The following EAF1 variants were observed in gnomAD, a reference collection of about 807,000 sequenced individuals.
The protein encoded by EAF1 is ELL associated factor 1.
In EAF1, 19 loss-of-function variants were observed where a neutral mutation model predicts 26.6. That is an observed-to-expected ratio of 0.71 (90% CI 0.50 to 1.05). The LOEUF (loss-of-function observed/expected upper bound fraction) is 1.05, where lower values mean the gene tolerates loss of function less well. Among genes scored for constraint, EAF1 ranks in the 50% least tolerant of loss-of-function variants. The pLI is 0.00. For missense variants in EAF1, 260 were observed against 335.5 expected (o/e 0.78, Z 1.76); for synonymous variants, 102 against 120.6 (o/e 0.85, Z 1.01).
At chr3:15,432,505 G>GC (rs1475558350) in intron 3 of EAF1, among the ~76,000 whole-genome samples, 6 of 152,144 alleles carry the variant, frequency 3.9e-5, no homozygotes, top group Non-Finnish European at 7.3e-5. Context: ...TCTCATGATT[G>GC]CTACAGTACC....
At chr3:15,432,950 A>T (rs1008539995) in intron 3 of EAF1, among the ~76,000 whole-genome samples, 8 of 150,424 alleles carry the variant, frequency 5.3e-5, no homozygotes, top group African/African-American at 2.0e-4. Context: ...TCGTTAAGCC[A>T]TTTTTTTTTC....
At chr3:15,438,441 A>G (rs2061847770) in intron 5 of EAF1, among the ~76,000 whole-genome samples, 1 of 152,004 alleles carries the variant, frequency 6.6e-6, no homozygotes, top group African/African-American at 2.4e-5. Flanking sequence ...TATTTTCTTA[A>G]GTTGCCTTTA....
Position 15,429,908 on chromosome 3 carries a change from T to G in EAF1, c.104-5T>G. On this transcript the variant is annotated splice_region_variant and splice_polypyrimidine_tract_variant and intron_variant, in intron 1 of 5. Coordinates refer to ENST00000396842, the MANE Select transcript of EAF1 (RefSeq NM_033083.7). ...GGGTAAGTGCTTTTTTTCCTTTCCC[T>G]TTAGATGATTTTAAACCAGCATCTA... 1 of 1,609,874 alleles carries G rather than the reference T, an allele frequency of 6.2e-7. No homozygotes were observed. Among genetic ancestry groups the G allele is most frequent in the Non-Finnish European group, 8.5e-7 (1 of 1,176,620 alleles).
At chr3:15,436,090 C>T in intron 4 of EAF1, 1 of 305,440 alleles carries the variant, frequency 3.3e-6, no homozygotes, top group Admixed American at 4.5e-5. Context: ...ACAGAACAGC[C>T]ATTATTCTGA....
intron 5 of EAF1, among the ~76,000 whole-genome samples, chr3:15,437,706 G>A (rs1402332892): frequency 6.6e-6 from 1 of 152,176 alleles, no homozygotes; most frequent in Admixed American, 6.5e-5. Context: ...GAACCCTGAT[G>A]AATGTTCTCT....
intron 4 of EAF1, among the ~76,000 whole-genome samples, chr3:15,435,895 T>A (rs1249430833): frequency 6.6e-6 from 1 of 152,204 alleles, no homozygotes; most frequent in Admixed American, 6.5e-5. Context: ...TAGGTGTCAC[T>A]GCTGGTTAGA....
chr3:15,438,886 C>T (rs1190782771), intron 5 of EAF1: 1 of 455,146 alleles, frequency 2.2e-6, no homozygotes, highest in Non-Finnish European at 3.9e-6. Flanking sequence ...CTTACTTCTC[C>T]TTTGCTCTAC....
In EAF1 at chr3:15,434,377, G is replaced by T; in HGVS notation, c.365G>T (p.Arg122Leu). Residue 122 changes from arginine to leucine, a missense_variant, in exon 4 of 6, where the codon CGA becomes CTA. Coordinates refer to ENST00000396842, the MANE Select transcript of EAF1 (RefSeq NM_033083.7). ...RAEGSSKIQA[R>L]MEQQPTRPPQ... Reference sequence around the variant, plus strand: ...GAGGGCAGCAGTAAAATCCAGGCCCGAATGGAACAGCAGCCCACTCGTCCT... The same window carrying T: ...GAGGGCAGCAGTAAAATCCAGGCCCTAATGGAACAGCAGCCCACTCGTCCT... The T allele has an allele frequency of 6.2e-7, 1 of 1,614,096 alleles. No individual in the cohort carries two copies. The highest frequency in any genetic ancestry group is 1.1e-5 in the South Asian group (1 of 91,076).
At chr3:15,432,365 T>C in intron 3 of EAF1, 142 bp downstream of exon 3, 2 of 1,011,156 alleles carry the variant, frequency 2.0e-6, no homozygotes, top group South Asian at 3.7e-5. Flanking sequence ...ACAAAATATG[T>C]AAATATGTGC....
intron 4 of EAF1, among the ~76,000 whole-genome samples, chr3:15,435,078 C>T (rs922488157): frequency 2.0e-5 from 3 of 152,098 alleles, no homozygotes; most frequent in Non-Finnish European, 4.4e-5. Flanking sequence ...AATAACATCT[C>T]TTTTTTGGGG....
At chr3:15,435,098 G>A (rs894241833) in intron 4 of EAF1, among the ~76,000 whole-genome samples, 12 of 152,138 alleles carry the variant, frequency 7.9e-5, no homozygotes, top group African/African-American at 2.9e-4. Flanking sequence ...GGGAAAAAAA[G>A]GATTAAAATG....
At chr3:15,439,040 G>A in intron 5 of EAF1, 69 bp from the exon 6 acceptor site, 1 of 1,464,096 alleles carries the variant, frequency 6.8e-7, no homozygotes, top group South Asian at 1.2e-5. Flanking sequence ...AAAATTATGA[G>A]GAAGTCATTT....
intron 1 of EAF1, among the ~76,000 whole-genome samples, chr3:15,429,428 G>C (rs1245934093): frequency 6.6e-6 from 1 of 152,046 alleles, no homozygotes; most frequent in Non-Finnish European, 1.5e-5. Context: ...ATCAGCTTTT[G>C]ATGATGCTGT....
At chr3:15,432,904 T>G (rs2061810591) in intron 3 of EAF1, among the ~76,000 whole-genome samples, 1 of 152,016 alleles carries the variant, frequency 6.6e-6, no homozygotes, top group Non-Finnish European at 1.5e-5. Context: ...AGTAATTAAA[T>G]TGTAAAGATT....
rs1245638652 is a variant in EAF1, at chr3:15,442,334, A to G, written c.*3179A>G. 1 of 152,488 alleles carries G rather than the reference A, an allele frequency of 6.6e-6. No individual in the cohort carries two copies. Among genetic ancestry groups the G allele is most frequent in the African/African-American group, 2.4e-5 (1 of 41,412 alleles). 9.4% of individuals were successfully genotyped at this position (152,488 alleles called of 1,614,324 possible). A position where few individuals can be genotyped will look rare whatever the true frequency, so the allele number is the denominator to read the frequency against. ...AAGTGGATGTTTCTATTTGGCAAGG[A>G]AGGTAGGATTTCTGAAACTCAGGCC... On this transcript the variant is annotated 3_prime_UTR_variant, in exon 6 of 6. Transcript: ENST00000396842.
intron 4 of EAF1, among the ~76,000 whole-genome samples, chr3:15,435,970 A>T (rs943610757): frequency 2.0e-5 from 3 of 152,218 alleles, no homozygotes; most frequent in African/African-American, 7.2e-5. Flanking sequence ...ACCACTTTAC[A>T]TAATATTTGT....
rs981586406 is a variant in EAF1 at position 15,441,326 on chromosome 3, C to T, written c.*2171C>T. 5.9e-5 allele frequency: 9 copies of T among 153,504 alleles called. No individual in the cohort carries two copies. Among genetic ancestry groups the T allele is most frequent in the African/African-American group, 2.2e-4 (9 of 41,344 alleles). 9.5% of individuals were successfully genotyped at this position (153,504 alleles called of 1,614,324 possible). A position where few individuals can be genotyped will look rare whatever the true frequency, so the allele number is the denominator to read the frequency against. The stretch of plus-strand genomic sequence containing the variant: ...TTCACAGATGGCTTCTCACAGATGC[C>T]CTCCTGCCAGCCAAACCGGACTTGT... On this transcript the variant is annotated 3_prime_UTR_variant, in exon 6 of 6. Transcript: ENST00000396842.
In EAF1 at chr3:15,434,436, C is replaced by T. The variant is rs1357722024; in HGVS notation, c.424C>T (p.Pro142Ser). 18 of 1,614,118 alleles carry T rather than the reference C, an allele frequency of 1.1e-5. No homozygotes were observed. The highest frequency in any genetic ancestry group is 1.5e-5 in the Non-Finnish European group (18 of 1,180,054). Residue 142 changes from proline to serine, a missense_variant, in exon 4 of 6, where the codon CCT becomes TCT. Transcript: ENST00000396842. ...QTSQPPPPPP[P>S]MPFRAPTKPP... ...GTCACAGCCACCACCACCTCCACCA[C>T]CTATGCCATTCAGAGCTCCAACGAA...
chr3:15,437,880 A>G (rs2061844524), intron 5 of EAF1, among the ~76,000 whole-genome samples: 1 of 152,102 alleles, frequency 6.6e-6, no homozygotes, highest in South Asian at 2.1e-4. Flanking sequence ...TGTCCTGCAC[A>G]TTGTAGGATG....
Sources: gnomAD v4.1 joint callset for allele counts (sites outside exome capture counted in the v4.1 genomes callset) on GRCh38, gnomAD v4.1.1 for gene constraint, MANE v1.5 for transcripts, NCBI Gene and HGNC (gene_info 2026-07-23, HGNC 2026-07-21) for gene names.